Variants in ALG12 observed in about 807,000 individuals in gnomAD.
ALG12 encodes the protein dol-P-Man:Man(7)GlcNAc(2)-PP-Dol alpha-1,6-mannosyltransferase.
A neutral mutation model predicts 46.0 loss-of-function variants in ALG12; 36 were observed. That is an observed-to-expected ratio of 0.78 (90% CI 0.60 to 1.03). The LOEUF (loss-of-function observed/expected upper bound fraction) is 1.03. ALG12 is among the 50% of genes least tolerant of loss of function. ALG12 has a pLI of 0.00. For missense variants in ALG12, 599 were observed against 633.5 expected (o/e 0.95, Z 0.58); for synonymous variants, 326 against 291.6 (o/e 1.12, Z -1.20).
rs367671008 is a variant in ALG12 at position 49,903,942 on chromosome 22, C to A, written c.1363G>T (p.Val455Leu). The A allele has an allele frequency of 2.5e-6, 4 of 1,614,208 alleles. No homozygotes were observed. Among genetic ancestry groups the A allele is most frequent in the African/African-American group, 1.3e-5 (1 of 75,062 alleles). Residue 455 changes from valine to leucine, a missense_variant, in exon 10 of 10, where the codon GTG becomes TTG. Physicochemically the swap from Val to Leu is conservative, Grantham distance 32. Transcript: ENST00000330817. ...TTCAGACTCACACCTGTGGTCCCCA[C>A]GACGCTGGCCAGGACCCGGTGTGTG... ...RDTHRVLASVVGTTGVSLNLT... is the reference protein window; with the variant it reads ...RDTHRVLASVLGTTGVSLNLT...
the ALG12 span, among the ~76,000 whole-genome samples, chr22:49,879,547 A>T: frequency 6.7e-6 from 1 of 148,828 alleles, no homozygotes; most frequent in Non-Finnish European, 1.5e-5. Context: ...TATTTGTCTT[A>T]TGTCCGGGCC....
At chr22:49,865,092 G>A in the ALG12 span, among the ~76,000 whole-genome samples, 2 of 152,154 alleles carry the variant, frequency 1.3e-5, no homozygotes, top group South Asian at 4.2e-4. Flanking sequence ...GCGTTACTCA[G>A]CGATGTTGTC....
At chr22:49,914,640 T>G (rs925842472) in intron 1 of ALG12, among the ~76,000 whole-genome samples, 1 of 152,250 alleles carries the variant, frequency 6.6e-6, no homozygotes, top group Non-Finnish European at 1.5e-5. Flanking sequence ...CGTTTCTGGC[T>G]TCTTTTAAAA....
At chr22:49,873,445 G>T in the ALG12 span, among the ~76,000 whole-genome samples, 1,314 of 152,284 alleles carry the variant, frequency 8.6e-3, 16 homozygotes, top group South Asian at 0.068. Context: ...GTGGCTTGTG[G>T]TGGCTCACGT....
chr22:49,886,645 G>A, the ALG12 span: 1 of 1,597,714 alleles, frequency 6.3e-7, no homozygotes, highest in Non-Finnish European at 8.5e-7. This position sits in a 1 kb window ranked among gnomAD's most constrained non-coding sequence, Gnocchi z 7.7. Context: ...CCGCCTGTCT[G>A]CCACCCTCCA....
intron 5 of ALG12, 112 bp from the exon 6 acceptor site, chr22:49,909,459 G>T: frequency 9.0e-7 from 1 of 1,116,332 alleles, no homozygotes; most frequent in Non-Finnish European, 1.3e-6. Flanking sequence ...ATATAAAAGA[G>T]GTTGGGCAGG....
chr22:49,897,340 C>G (rs2147568266), downstream of ALG12, among the ~76,000 whole-genome samples: 1 of 152,324 alleles, frequency 6.6e-6, no homozygotes, highest in South Asian at 2.1e-4. Flanking sequence ...TGAGTAGATA[C>G]TGAGGAGCTT....
chr22:49,875,932 T>C, the ALG12 span, among the ~76,000 whole-genome samples: 1 of 103,098 alleles, frequency 9.7e-6, no homozygotes, highest in Non-Finnish European at 2.4e-5. Flanking sequence ...TTTGGTTTCA[T>C]TGATTTTTTT....
intron 3 of ALG12, among the ~76,000 whole-genome samples, chr22:49,910,817 C>G (rs1001536222): frequency 6.6e-6 from 1 of 152,214 alleles, no homozygotes; most frequent in Non-Finnish European, 1.5e-5. Flanking sequence ...GCGCTCCTGT[C>G]GGGAACTGAG....
Position 49,904,332 on chromosome 22 carries a change from C to A in ALG12, c.1162+5G>T. The A allele has an allele frequency of 1.2e-6, 2 of 1,614,184 alleles. No individual in the cohort carries two copies. Among genetic ancestry groups the A allele is most frequent in the Non-Finnish European group, 1.7e-6 (2 of 1,180,034 alleles). On this transcript the variant is annotated splice_donor_5th_base_variant and intron_variant, in intron 8 of 9. Coordinates refer to ENST00000330817, the MANE Select transcript of ALG12 (RefSeq NM_024105.4). ...CAGTCCCCAGGCAGTGCCCCCAGCA[C>A]CCACCTGTCTGGGGGGGCACCAGCT...
At chr22:49,912,220 G>C (rs1208009891) in intron 3 of ALG12, among the ~76,000 whole-genome samples, 2 of 152,160 alleles carry the variant, frequency 1.3e-5, no homozygotes, top group Non-Finnish European at 2.9e-5. Flanking sequence ...GCAGGGGCTG[G>C]GGGGGGCACT....
intron 1 of ALG12, among the ~76,000 whole-genome samples, chr22:49,916,576 T>C (rs1199225208): frequency 2.0e-5 from 3 of 151,784 alleles, no homozygotes; most frequent in Admixed American, 6.6e-5. Flanking sequence ...CCAGACTCCG[T>C]CTCAAAAAAA....
Position 49,903,333 on chromosome 22 carries a change from T to C in ALG12, c.*505A>G. The C allele has an allele frequency of 2.2e-6, 1 of 457,534 alleles. No individual in the cohort carries two copies. Among genetic ancestry groups the C allele is most frequent in the South Asian group, 1.5e-5 (1 of 64,540 alleles). The allele number at this position is 457,534 out of a possible 1,614,324, so 28.3% of individuals were successfully genotyped here. On this transcript the variant is annotated 3_prime_UTR_variant, in exon 10 of 10. Coordinates refer to ENST00000330817, the MANE Select transcript of ALG12 (RefSeq NM_024105.4). ...GATGGGATGCCTGTGAATACAAAAG[T>C]TGCAGTGGTGGCACCAGGGTGGGGG...
At chr22:49,875,872 A>G in the ALG12 span, among the ~76,000 whole-genome samples, 6 of 151,424 alleles carry the variant, frequency 4.0e-5, no homozygotes, top group African/African-American at 1.5e-4. Context: ...TTCTCTAATC[A>G]ATATTTGTAG....
chr22:49,885,774 T>C, the ALG12 span: 4 of 1,605,584 alleles, frequency 2.5e-6, no homozygotes, highest in Admixed American at 1.7e-5. Context: ...CCAGGACAGC[T>C]ATCCCAGGTA....
Position 49,913,647 on chromosome 22 carries a change from T to C in ALG12, c.119A>G (p.Gln40Arg). ...GTGGTAGAGCAGGTCATGTGTGGCC[T>C]GCAGGTTGAAGCTCTCCTCCACTTT... ...YTKVEESFNL[Q>R]ATHDLLYHWQ... The change falls in exon 2 of 10, where the codon CAG becomes CGG. Residue 40 changes from glutamine to arginine, a missense_variant. By Grantham distance (43) the Gln-to-Arg change is conservative (BLOSUM62 1). Coordinates refer to ENST00000330817, the MANE Select transcript of ALG12 (RefSeq NM_024105.4). 6.2e-7 allele frequency: 1 copy of C among 1,614,122 alleles called. No individual in the cohort carries two copies. The highest frequency in any genetic ancestry group is 8.5e-7 in the Non-Finnish European group (1 of 1,180,026).
rs375029604 is a variant in ALG12 at position 49,910,387 on chromosome 22, C to T, written c.469+47G>A. 4.4e-6 allele frequency: 7 copies of T among 1,598,020 alleles called. No individual in the cohort carries two copies. In the African/African-American group the frequency reaches 8.1e-5, roughly 18 times the overall value. On this transcript the variant is annotated intron_variant, in intron 4 of 9. Coordinates refer to ENST00000330817, the MANE Select transcript of ALG12 (RefSeq NM_024105.4). ...GCTGCACAGCCCGACTCAGGGGAGC[C>T]CCTGCCCGGCACCATGGGTGTGCAG... is the stretch of plus-strand genomic sequence containing the variant.
chr22:49,865,723 G>A, the ALG12 span, among the ~76,000 whole-genome samples: 1 of 152,010 alleles, frequency 6.6e-6, no homozygotes, highest in African/African-American at 2.4e-5. Flanking sequence ...TTTTGGTTGA[G>A]GTTTGCTCTC....
At chr22:49,872,992 A>G in the ALG12 span, among the ~76,000 whole-genome samples, 1 of 152,090 alleles carries the variant, frequency 6.6e-6, no homozygotes, top group African/African-American at 2.4e-5. Context: ...TACCGCGCCC[A>G]GCCAATGTTT....
Sources: gnomAD v4.1 joint callset for allele counts (sites outside exome capture counted in the v4.1 genomes callset) on GRCh38, gnomAD v4.1.1 for gene constraint, Gnocchi (gnomAD v3.1) non-coding constraint, MANE v1.5 for transcripts, NCBI Gene and HGNC (gene_info 2026-07-23, HGNC 2026-07-21) for gene names.